Variants in STXBP5L observed in about 807,000 individuals in gnomAD.
The protein encoded by STXBP5L is syntaxin binding protein 5L.
In STXBP5L, 65 loss-of-function variants were observed where a neutral mutation model predicts 144.5. The ratio of observed to expected loss-of-function variants is 0.45; its 90% CI spans 0.37 to 0.55. STXBP5L has a LOEUF of 0.55. STXBP5L is among the 20% of genes least tolerant of loss of function. The pLI, the probability that STXBP5L is intolerant of heterozygous loss-of-function variation, is 0.00. For missense variants in STXBP5L, 1,298 were observed against 1,405.5 expected (o/e 0.92, Z 1.22); for synonymous variants, 505 against 469.6 (o/e 1.08, Z -0.97).
chr3:121,401,925 A>C (rs140972730), intron 22 of STXBP5L, among the ~76,000 whole-genome samples: 18,758 of 151,504 alleles, frequency 0.12, 1,273 homozygotes, highest in South Asian at 0.23. Context: ...TTAGATTTAC[A>C]GTGACAAAGA....
chr3:121,259,384 T>C (rs990335837), intron 18 of STXBP5L, among the ~76,000 whole-genome samples: 1 of 152,102 alleles, frequency 6.6e-6, no homozygotes, highest in African/African-American at 2.4e-5. Flanking sequence ...TTGATGTTAG[T>C]AGGAGATTGT....
intron 9 of STXBP5L, among the ~76,000 whole-genome samples, chr3:121,189,565 T>C (rs1215541925): frequency 1.3e-5 from 2 of 152,210 alleles, no homozygotes; most frequent in East Asian, 3.9e-4. Context: ...GGCTCTATTC[T>C]GTTCCATTGG....
rs769947738 is a variant in STXBP5L at position 121,407,230 on chromosome 3, A to G, written c.2588-13A>G. 13 of 1,534,196 alleles carry G rather than the reference A, an allele frequency of 8.5e-6. No homozygotes were observed. The highest frequency in any genetic ancestry group is 1.8e-4 in the Middle Eastern group (1 of 5,686). On this transcript the variant is annotated splice_polypyrimidine_tract_variant and intron_variant, in intron 22 of 26. Coordinates refer to ENST00000471454, the MANE Select transcript of STXBP5L (RefSeq NM_001308330.2). ...GAATTTGACATGTCAGTGATGTCCA[A>G]TTGTTTTTATAGGTACATTCCTCTC...
intron 3 of STXBP5L, among the ~76,000 whole-genome samples, chr3:120,992,001 T>A (rs9871279): frequency 0.099 from 15,081 of 152,092 alleles, 1,169 homozygotes; most frequent in Admixed American, 0.2. Flanking sequence ...TTTAAAAAAA[T>A]TAATATTTAT....
intron 3 of STXBP5L, among the ~76,000 whole-genome samples, chr3:120,972,603 A>G (rs1194876798): frequency 1.3e-5 from 2 of 152,020 alleles, no homozygotes; most frequent in Non-Finnish European, 2.9e-5. Flanking sequence ...TTCCAGTACT[A>G]TGTTGAATAG....
intron 20 of STXBP5L, among the ~76,000 whole-genome samples, chr3:121,324,322 C>T (rs118030607): frequency 6.6e-6 from 1 of 152,196 alleles, no homozygotes; most frequent in East Asian, 1.9e-4. Context: ...TTTCTTCTCC[C>T]TCCAAACAGT....
chr3:121,378,615 A>G, intron 20 of STXBP5L, 101 bp from the exon 21 acceptor site: 1 of 1,285,042 alleles, frequency 7.8e-7, no homozygotes, highest in Non-Finnish European at 1.0e-6. Context: ...TAGAAAATAA[A>G]GGAATTGTTG....
intron 7 of STXBP5L, among the ~76,000 whole-genome samples, chr3:121,143,736 A>G (rs1324560990): frequency 6.6e-6 from 1 of 151,948 alleles, no homozygotes; most frequent in African/African-American, 2.4e-5. Context: ...TGGTATTGAG[A>G]AAACTGGATA....
At chr3:121,133,901 C>T (rs1345865030) in intron 7 of STXBP5L, among the ~76,000 whole-genome samples, 1 of 152,072 alleles carries the variant, frequency 6.6e-6, no homozygotes, top group Non-Finnish European at 1.5e-5. Context: ...CTCATGAGAA[C>T]TCCCTCATTA....
intron 6 of STXBP5L, 77 bp from the exon 7 acceptor site, chr3:121,121,560 CTTAA>C: frequency 9.9e-7 from 1 of 1,007,690 alleles, no homozygotes; most frequent in Non-Finnish European, 1.5e-6. Flanking sequence ...CCAGTGTAAT[CTTAA>C]TTTCTTTGTT....
At chr3:121,352,413 G>A (rs2045325912) in intron 20 of STXBP5L, among the ~76,000 whole-genome samples, 1 of 152,026 alleles carries the variant, frequency 6.6e-6, no homozygotes, top group South Asian at 2.1e-4. Context: ...CTTGTAAGCT[G>A]GATTCCTAGG....
intron 18 of STXBP5L, among the ~76,000 whole-genome samples, chr3:121,262,140 C>T (rs1379351554): frequency 1.3e-5 from 2 of 152,196 alleles, no homozygotes; most frequent in East Asian, 1.9e-4. Context: ...GGCCCCAACT[C>T]TTAATACCAT....
chr3:121,116,730 A>G (rs1436573325), intron 6 of STXBP5L, among the ~76,000 whole-genome samples: 1 of 151,980 alleles, frequency 6.6e-6, no homozygotes, highest in East Asian at 1.9e-4. Flanking sequence ...GTTTCCCCCC[A>G]AAGTTACTTT....
At chr3:120,977,367 C>T (rs879645922) in intron 3 of STXBP5L, among the ~76,000 whole-genome samples, 20 of 152,072 alleles carry the variant, frequency 1.3e-4, no homozygotes, top group Admixed American at 2.0e-4. Context: ...AGGATTGCAA[C>T]CCCTGCCTTT....
intron 3 of STXBP5L, among the ~76,000 whole-genome samples, chr3:121,000,324 A>AT (rs1278991819): frequency 2.0e-5 from 3 of 151,392 alleles, no homozygotes; most frequent in Non-Finnish European, 4.4e-5. Context: ...TTTTTTCCTT[A>AT]TTTTTTTCTT....
chr3:121,416,001 C>A (rs951895251), intron 25 of STXBP5L, 33 bp downstream of exon 25: 8 of 1,543,716 alleles, frequency 5.2e-6, no homozygotes, highest in Non-Finnish European at 7.1e-6. Context: ...AAATGTATTG[C>A]AAAATAGAAG....
intron 3 of STXBP5L, among the ~76,000 whole-genome samples, chr3:120,991,834 A>T (rs1050619841): frequency 1.3e-4 from 19 of 151,184 alleles, no homozygotes; most frequent in Admixed American, 8.0e-4. Flanking sequence ...GGGGGGAGGG[A>T]TAGCATTAGG....
chr3:121,097,260 C>T (rs114564486), intron 5 of STXBP5L, among the ~76,000 whole-genome samples: 2,205 of 152,204 alleles, frequency 0.014, 55 homozygotes, highest in African/African-American at 0.05. Flanking sequence ...GGGGGTGGGA[C>T]CCACCGAGCC....
At chr3:121,062,461 A>T (rs2041331366) in intron 5 of STXBP5L, among the ~76,000 whole-genome samples, 1 of 152,142 alleles carries the variant, frequency 6.6e-6, no homozygotes, top group African/African-American at 2.4e-5. Context: ...ACCTTGGTGA[A>T]TCTGATGATT....
Sources: gnomAD v4.1 joint callset for allele counts (sites outside exome capture counted in the v4.1 genomes callset) on GRCh38, gnomAD v4.1.1 for gene constraint, MANE v1.5 for transcripts, NCBI Gene and HGNC (gene_info 2026-07-23, HGNC 2026-07-21) for gene names.